The following CACNA2D3 variants were observed in gnomAD, a reference collection of about 807,000 sequenced individuals.
The protein encoded by CACNA2D3 is calcium voltage-gated channel auxiliary subunit alpha2delta 3.
A neutral mutation model predicts 160.6 loss-of-function variants in CACNA2D3; 60 were observed. That is an observed-to-expected ratio of 0.37 (90% CI 0.30 to 0.46). The LOEUF (loss-of-function observed/expected upper bound fraction) is 0.46, where lower values mean the gene tolerates loss of function less well. CACNA2D3 is among the 20% of genes least tolerant of loss of function. CACNA2D3 has a pLI of 1.00. For missense variants in CACNA2D3, 1,205 were observed against 1,365.0 expected, an observed-to-expected ratio of 0.88 and a Z score of 1.85; for synonymous variants, 558 against 492.9, an observed-to-expected ratio of 1.13 and a Z score of -1.75.
At chr3:54,147,618 C>T (rs1318726637) in intron 2 of CACNA2D3, among the ~76,000 whole-genome samples, 1 of 152,246 alleles carries the variant, frequency 6.6e-6, no homozygotes, top group African/African-American at 2.4e-5. Context: ...CTTTCTGTGC[C>T]TCTGTTTCCT....
At chr3:54,319,751 C>A (rs1703946872) in intron 2 of CACNA2D3, among the ~76,000 whole-genome samples, 1 of 151,856 alleles carries the variant, frequency 6.6e-6, no homozygotes, top group East Asian at 1.9e-4. Context: ...CCAAGAAATT[C>A]AAAAAGTGAT....
At chr3:54,890,525 GA>G (rs975491269) in intron 24 of CACNA2D3, among the ~76,000 whole-genome samples, 18 of 146,762 alleles carry the variant, frequency 1.2e-4, no homozygotes, top group East Asian at 6.0e-4. Context: ...GAAAAAGAAA[GA>G]AAAAAAATAT....
At chr3:54,866,779 C>T (rs1463044481) in intron 17 of CACNA2D3, among the ~76,000 whole-genome samples, 7 of 152,218 alleles carry the variant, frequency 4.6e-5, no homozygotes, top group African/African-American at 1.7e-4. Context: ...TTAAATATGG[C>T]CAGGAAGGCT....
intron 35 of CACNA2D3, among the ~76,000 whole-genome samples, chr3:55,057,051 T>G (rs1373929143): frequency 2.0e-5 from 3 of 152,130 alleles, no homozygotes; most frequent in Admixed American, 6.5e-5. Context: ...GCTCCCATAA[T>G]TTCCATGTGT....
At chr3:54,896,990 A>G in intron 26 of CACNA2D3, 120 bp downstream of exon 26, 3 of 1,271,428 alleles carry the variant, frequency 2.4e-6, no homozygotes, top group South Asian at 1.3e-5. Context: ...CCTCAGAGCC[A>G]GTGCTGAATA....
chr3:54,799,789 C>T (rs1702943838), intron 13 of CACNA2D3, among the ~76,000 whole-genome samples: 1 of 152,164 alleles, frequency 6.6e-6, no homozygotes, highest in Non-Finnish European at 1.5e-5. Flanking sequence ...AACAGGCTGT[C>T]TGCCTCACAC....
intron 5 of CACNA2D3, among the ~76,000 whole-genome samples, chr3:54,562,219 A>G (rs965747862): frequency 1.3e-5 from 2 of 152,230 alleles, no homozygotes; most frequent in East Asian, 1.9e-4. Context: ...CAAAGGGTAC[A>G]GCAGAAGACC....
intron 11 of CACNA2D3, among the ~76,000 whole-genome samples, chr3:54,698,045 T>A (rs1700696359): frequency 6.6e-6 from 1 of 152,254 alleles, no homozygotes; most frequent in African/African-American, 2.4e-5. Flanking sequence ...ATTGTCATTT[T>A]TGCTGCTCTC....
chr3:54,792,156 G>A (rs1407714171), intron 13 of CACNA2D3, among the ~76,000 whole-genome samples: 3 of 152,180 alleles, frequency 2.0e-5, no homozygotes, highest in Non-Finnish European at 4.4e-5. Flanking sequence ...CCAGAACATG[G>A]CAGGTGTGTA....
chr3:54,759,978 A>G (rs986013625), intron 12 of CACNA2D3, among the ~76,000 whole-genome samples: 2 of 152,234 alleles, frequency 1.3e-5, no homozygotes, highest in Non-Finnish European at 2.9e-5. Context: ...GCCCACATGC[A>G]GAAAGGCAAG....
intron 11 of CACNA2D3, among the ~76,000 whole-genome samples, chr3:54,697,763 G>A (rs994647255): frequency 2.6e-5 from 4 of 152,294 alleles, no homozygotes; most frequent in Admixed American, 1.3e-4. Flanking sequence ...TCAAATCACC[G>A]ATTTTAATGG....
At chr3:54,235,594 C>T (rs1005411607) in intron 2 of CACNA2D3, among the ~76,000 whole-genome samples, 3 of 152,198 alleles carry the variant, frequency 2.0e-5, no homozygotes, top group Admixed American at 2.0e-4. Flanking sequence ...TCCCCTCAGG[C>T]CCTGCCTCCA....
At chr3:54,761,523 T>TA (rs1218104533) in intron 12 of CACNA2D3, among the ~76,000 whole-genome samples, 1 of 152,226 alleles carries the variant, frequency 6.6e-6, no homozygotes, top group East Asian at 1.9e-4. Context: ...CAATCCTTTT[T>TA]AAAACCTGTC....
chr3:54,279,422 A>G (rs2107460678), intron 2 of CACNA2D3, among the ~76,000 whole-genome samples: 1 of 152,288 alleles, frequency 6.6e-6, no homozygotes, highest in South Asian at 2.1e-4. Context: ...CCAGGGACTG[A>G]GGATTTATTA....
At chr3:54,705,945 C>T (rs1256535687) in intron 11 of CACNA2D3, among the ~76,000 whole-genome samples, 1 of 152,176 alleles carries the variant, frequency 6.6e-6, no homozygotes, top group Non-Finnish European at 1.5e-5. Flanking sequence ...CCCCTCTTCT[C>T]CTCGTATAGT....
At chr3:54,192,450 A>C (rs913972988) in intron 2 of CACNA2D3, among the ~76,000 whole-genome samples, 6 of 152,158 alleles carry the variant, frequency 3.9e-5, no homozygotes, top group African/African-American at 1.4e-4. Flanking sequence ...TAAATGTGAA[A>C]ACCATAGCAG....
chr3:54,697,992 T>TGG (rs1700695433), intron 11 of CACNA2D3, among the ~76,000 whole-genome samples: 1 of 152,216 alleles, frequency 6.6e-6, no homozygotes, highest in Non-Finnish European at 1.5e-5. Context: ...TAGCAACACT[T>TGG]TGCACAAACA....
intron 20 of CACNA2D3, among the ~76,000 whole-genome samples, chr3:54,880,358 T>C (rs1021031668): frequency 2.0e-5 from 3 of 152,206 alleles, no homozygotes; most frequent in Non-Finnish European, 2.9e-5. Context: ...GTTACACTCA[T>C]GTAGTAGTGG....
chr3:55,042,756 TCTC>T (rs1703983279), intron 35 of CACNA2D3, among the ~76,000 whole-genome samples: 1 of 152,118 alleles, frequency 6.6e-6, no homozygotes, highest in African/African-American at 2.4e-5. Context: ...CTGAGAAAAT[TCTC>T]CTTAGGTGCA....
Sources: gnomAD v4.1 joint callset for allele counts (sites outside exome capture counted in the v4.1 genomes callset) on GRCh38, gnomAD v4.1.1 for gene constraint, MANE v1.5 for transcripts, NCBI Gene and HGNC (gene_info 2026-07-23, HGNC 2026-07-21) for gene names.